RABGAP1L: variants seen among roughly 807,000 people sequenced by gnomAD.
The protein encoded by RABGAP1L is RAB GTPase activating protein 1 like.
A neutral mutation model predicts 137.7 loss-of-function variants in RABGAP1L; 63 were observed. That is an observed-to-expected ratio of 0.46 (90% CI 0.37 to 0.56). RABGAP1L has a LOEUF of 0.56. Among genes scored for constraint, RABGAP1L ranks in the 20% least tolerant of loss-of-function variants. RABGAP1L has a pLI of 0.00. For missense variants in RABGAP1L, 1,095 were observed against 1,244.0 expected (o/e 0.88, Z 1.80); for synonymous variants, 431 against 433.7 (o/e 0.99, Z 0.08).
chr1:174,633,120 T>A (rs1371367218), intron 13 of RABGAP1L, among the ~76,000 whole-genome samples: 3 of 151,666 alleles, frequency 2.0e-5, no homozygotes, highest in African/African-American at 7.3e-5. Flanking sequence ...ATATGATTGT[T>A]TATCTAGAAA....
rs148585836 is a variant in RABGAP1L at position 174,753,967 on chromosome 1, C to G, written c.2211+1613C>G. ...TTTTGAGTAACCCAGGACTACCTCTCTGGATATCAGACCTATACCCTGTGT... is the reference window on the plus strand; with the variant it reads ...TTTTGAGTAACCCAGGACTACCTCTGTGGATATCAGACCTATACCCTGTGT... On this transcript the variant is annotated intron_variant, in intron 18 of 25. Transcript: ENST00000681986. 2.4e-3 allele frequency among the ~76,000 whole-genome samples: 358 copies of G among 152,284 alleles called. 1 individual carries two copies. Among genetic ancestry groups the G allele is most frequent in the Non-Finnish European group, 4.5e-3 (304 of 67,998 alleles).
chr1:174,590,347 T>TTA (rs774416743), intron 13 of RABGAP1L, among the ~76,000 whole-genome samples: 2,799 of 133,852 alleles, frequency 0.021, 36 homozygotes, highest in Middle Eastern at 0.076. Flanking sequence ...TTTTTTTTTT[T>TTA]ATTTATTTTT....
At chr1:174,305,914 C>G (rs993555282) in intron 11 of RABGAP1L, among the ~76,000 whole-genome samples, 1 of 152,110 alleles carries the variant, frequency 6.6e-6, no homozygotes, top group Non-Finnish European at 1.5e-5. Flanking sequence ...ATCCCTCCCC[C>G]CTCCTCCCAC....
intron 19 of RABGAP1L, among the ~76,000 whole-genome samples, chr1:174,899,245 A>C (rs1342329883): frequency 6.6e-6 from 1 of 152,222 alleles, no homozygotes; most frequent in Non-Finnish European, 1.5e-5. Flanking sequence ...TGCTTAAAGA[A>C]ATTAAATAAA....
At chr1:174,339,612 ATT>A (rs200221267) in intron 11 of RABGAP1L, among the ~76,000 whole-genome samples, 1 of 148,426 alleles carries the variant, frequency 6.7e-6, no homozygotes, top group Non-Finnish European at 1.5e-5. Flanking sequence ...ATTTTATCTA[ATT>A]TTTTTTTTTT....
intron 10 of RABGAP1L, among the ~76,000 whole-genome samples, chr1:174,286,767 T>C (rs916750065): frequency 1.3e-5 from 2 of 152,178 alleles, no homozygotes; most frequent in Non-Finnish European, 2.9e-5. Flanking sequence ...TTGTTTTGTC[T>C]TAGATGTATT....
chr1:174,944,692 ATTGCTAGTGATGACTT>A (rs1666460522), intron 19 of RABGAP1L, among the ~76,000 whole-genome samples: 3 of 151,224 alleles, frequency 2.0e-5, no homozygotes, highest in African/African-American at 7.3e-5. Context: ...GCAATTTAAT[ATTGCTAGTGATGACTT>A]TTAACCAGTT....
intron 13 of RABGAP1L, among the ~76,000 whole-genome samples, chr1:174,543,565 C>G (rs1284209328): frequency 6.6e-6 from 1 of 152,130 alleles, no homozygotes; most frequent in Non-Finnish European, 1.5e-5. Flanking sequence ...CAGTCTGTGT[C>G]TTTTAATTGA....
At position 174,995,020 on chromosome 1, in the gene RABGAP1L, C is replaced by T. The variant is rs961365813; in HGVS notation, c.*5019C>T. On this transcript the variant is annotated 3_prime_UTR_variant, in exon 26 of 26. Coordinates refer to ENST00000681986, the MANE Select transcript of RABGAP1L (RefSeq NM_001366446.1). Reference sequence around the variant, plus strand: ...TAAACAATGACCAATTAGACGTTTCCGTAATTCCATGTATTATGTATAGTA... The same window carrying T: ...TAAACAATGACCAATTAGACGTTTCTGTAATTCCATGTATTATGTATAGTA... 4 of 152,090 alleles carry T rather than the reference C, an allele frequency of 2.6e-5. No homozygotes were observed. Among genetic ancestry groups the T allele is most frequent in the South Asian group, 2.1e-4 (1 of 4,826 alleles). 9.4% of individuals were successfully genotyped at this position (152,090 alleles called of 1,614,324 possible).
intron 13 of RABGAP1L, among the ~76,000 whole-genome samples, chr1:174,577,363 A>C (rs866142219): frequency 6.6e-6 from 1 of 151,844 alleles, no homozygotes; most frequent in African/African-American, 2.4e-5. Context: ...CATATAGTCA[A>C]TGGAAGAATT....
chr1:174,960,943 C>T (rs1418423126), intron 20 of RABGAP1L, among the ~76,000 whole-genome samples: 1 of 152,142 alleles, frequency 6.6e-6, no homozygotes, highest in Non-Finnish European at 1.5e-5. Flanking sequence ...CACATATATG[C>T]ACTGCCTGTG....
chr1:174,610,035 T>C (rs896362601), intron 13 of RABGAP1L, among the ~76,000 whole-genome samples: 1 of 150,758 alleles, frequency 6.6e-6, no homozygotes, highest in African/African-American at 2.4e-5. Context: ...GGTATGCGTT[T>C]TTTTTTTCTT....
intron 19 of RABGAP1L, among the ~76,000 whole-genome samples, chr1:174,926,108 T>C (rs1662804355): frequency 1.3e-5 from 2 of 152,144 alleles, no homozygotes; most frequent in Admixed American, 1.3e-4. Flanking sequence ...TTTGTAATAA[T>C]ACTGCCTTAA....
intron 13 of RABGAP1L, among the ~76,000 whole-genome samples, chr1:174,605,606 C>A (rs1013684709): frequency 1.3e-5 from 2 of 151,968 alleles, no homozygotes; most frequent in African/African-American, 4.8e-5. Flanking sequence ...TTGTCTGAAG[C>A]GGATCTGGTC....
chr1:174,440,586 TA>T (rs762214208), intron 13 of RABGAP1L, among the ~76,000 whole-genome samples: 7 of 152,344 alleles, frequency 4.6e-5, no homozygotes, highest in Admixed American at 2.6e-4. Flanking sequence ...TTTTTATTTT[TA>T]TTTTTTGAGA....
chr1:174,337,142 G>T (rs1381447535), intron 11 of RABGAP1L, among the ~76,000 whole-genome samples: 2 of 152,010 alleles, frequency 1.3e-5, no homozygotes, highest in African/African-American at 4.8e-5. Context: ...CCATGGGTCA[G>T]AAGTCTGGAC....
At chr1:174,405,934 C>T (rs868700205) in intron 13 of RABGAP1L, among the ~76,000 whole-genome samples, 4 of 151,630 alleles carry the variant, frequency 2.6e-5, no homozygotes, top group Middle Eastern at 3.4e-3. Context: ...GCCAAGATCA[C>T]GCCACTGCAC....
At chr1:174,446,747 A>T (rs1019442353) in intron 13 of RABGAP1L, among the ~76,000 whole-genome samples, 1 of 152,242 alleles carries the variant, frequency 6.6e-6, no homozygotes, top group South Asian at 2.1e-4. Context: ...ATTTTTTAAC[A>T]TATGGCTGCT....
intron 19 of RABGAP1L, among the ~76,000 whole-genome samples, chr1:174,913,725 A>G (rs1049377554): frequency 3.9e-5 from 6 of 152,206 alleles, no homozygotes; most frequent in African/African-American, 9.7e-5. Context: ...TCTTTGTACT[A>G]TATGACTGTT....
Sources: allele counts gnomAD v4.1 joint callset (sites outside exome capture counted in the v4.1 genomes callset), GRCh38; gene constraint gnomAD v4.1.1; transcripts MANE v1.5; gene names NCBI Gene and HGNC (gene_info 2026-07-23, HGNC 2026-07-21).